The following ITM2B variants were observed in gnomAD, a reference collection of about 807,000 sequenced individuals.
The protein encoded by ITM2B is ABri/ADan amyloid peptide.
Under a neutral mutation model 27.8 loss-of-function variants are expected in ITM2B, and 11 were observed. The ratio of observed to expected loss-of-function variants is 0.40; its 90% CI spans 0.25 to 0.66. ITM2B has a LOEUF of 0.66. ITM2B is among the 30% of genes least tolerant of loss of function. The pLI is 0.43. For missense variants in ITM2B, 296 were observed against 328.9 expected, an observed-to-expected ratio of 0.90 and a Z score of 0.77; for synonymous variants, 114 against 114.3, an observed-to-expected ratio of 1.00 and a Z score of 0.02.
At chr13:48,234,016 C>G (rs1041911576) in intron 1 of ITM2B, among the ~76,000 whole-genome samples, 9 of 152,114 alleles carry the variant, frequency 5.9e-5, no homozygotes, top group Non-Finnish European at 8.8e-5. Flanking sequence ...CACGGCCCTT[C>G]GGTAGTGGCA....
At chr13:48,257,026 A>G (rs1296063237) in intron 3 of ITM2B, among the ~76,000 whole-genome samples, 2 of 152,222 alleles carry the variant, frequency 1.3e-5, no homozygotes, top group Non-Finnish European at 2.9e-5. Flanking sequence ...CTGAAACTGC[A>G]TATAGTACCA....
chr13:48,248,440 GTTGAATCTTT>G (rs1199637399), intron 1 of ITM2B, among the ~76,000 whole-genome samples: 1 of 151,988 alleles, frequency 6.6e-6, no homozygotes, highest in Non-Finnish European at 1.5e-5. Flanking sequence ...CTGGTCACTA[GTTGAATCTTT>G]TTAGCAGTAT....
At chr13:48,235,774 C>T (rs1054692389) in intron 1 of ITM2B, among the ~76,000 whole-genome samples, 64 of 152,324 alleles carry the variant, frequency 4.2e-4, no homozygotes, top group African/African-American at 1.5e-3. Flanking sequence ...AAGAATCAAA[C>T]CAAGCTAGTT....
intron 1 of ITM2B, among the ~76,000 whole-genome samples, chr13:48,236,447 AAG>A (rs1347542607): frequency 3.2e-4 from 48 of 152,322 alleles, no homozygotes; most frequent in African/African-American, 1.1e-3. Flanking sequence ...TTCTGTCTGT[AAG>A]ATGAGAGGGT....
chr13:48,244,576 A>G (rs1011339179), intron 1 of ITM2B, among the ~76,000 whole-genome samples: 3 of 152,234 alleles, frequency 2.0e-5, no homozygotes, highest in Non-Finnish European at 4.4e-5. Flanking sequence ...ATACTTTCAG[A>G]TGAATATACT....
chr13:48,263,024 A>G lies in ITM2B; in HGVS notation c.*1800A>G, dbSNP rs781033860. On this transcript the variant is annotated 3_prime_UTR_variant, in exon 6 of 6. Transcript: ENST00000647800. ...TAGCTGAACTGCAATAATAATCCCA[A>G]CATCTCACTGGCTTCATGCAGTAGG... The G allele has an allele frequency of 6.6e-5, 10 of 152,300 alleles. No homozygotes were observed. The highest frequency in any genetic ancestry group is 3.9e-4 in the East Asian group (2 of 5,188). 9.4% of individuals were successfully genotyped at this position (152,300 alleles called of 1,614,324 possible). A position where few individuals can be genotyped will look rare whatever the true frequency, so the allele number is the denominator to read the frequency against.
intron 3 of ITM2B, among the ~76,000 whole-genome samples, 157 bp from the exon 4 acceptor site, chr13:48,257,969 C>G (rs1423005107): frequency 6.6e-6 from 1 of 152,126 alleles, no homozygotes; most frequent in Non-Finnish European, 1.5e-5. Flanking sequence ...TTCCCACTTC[C>G]AACTTTATCC....
rs1280645464 is a variant in ITM2B at position 48,267,247 on chromosome 13, G to A, written c.*6023G>A. On this transcript the variant is annotated 3_prime_UTR_variant, in exon 6 of 6. Coordinates refer to ENST00000647800, the MANE Select transcript of ITM2B (RefSeq NM_021999.5). ...GATGCAGGAATAGTTTTCCATTTGGGTATGAATACGGCAAGTTCTTAGAAC... is the reference window on the plus strand; with the variant it reads ...GATGCAGGAATAGTTTTCCATTTGGATATGAATACGGCAAGTTCTTAGAAC... 3 of 151,358 alleles carry A rather than the reference G, an allele frequency of 2.0e-5. No homozygotes were observed. Among genetic ancestry groups the A allele is most frequent in the Non-Finnish European group, 4.4e-5 (3 of 67,976 alleles). 9.4% of individuals were successfully genotyped at this position (151,358 alleles called of 1,614,324 possible).
chr13:48,261,047 T>G, intron 5 of ITM2B, 92 bp from the exon 6 acceptor site: 1 of 844,028 alleles, frequency 1.2e-6, no homozygotes, highest in Non-Finnish European at 1.9e-6. Flanking sequence ...AGTGAAATAC[T>G]TCTATATGTC....
intron 1 of ITM2B, among the ~76,000 whole-genome samples, chr13:48,235,133 C>G (rs191668453): frequency 1.3e-5 from 2 of 152,278 alleles, no homozygotes; most frequent in African/African-American, 4.8e-5. Flanking sequence ...TTTCTCTGTT[C>G]CGCTGTAGTG....
intron 1 of ITM2B, among the ~76,000 whole-genome samples, chr13:48,236,868 C>G (rs1011997147): frequency 6.6e-5 from 10 of 152,172 alleles, no homozygotes; most frequent in African/African-American, 2.4e-4. Flanking sequence ...GTGTTGCTTT[C>G]TCTCTACCCC....
At position 48,262,828 on chromosome 13, in the gene ITM2B, A is replaced by G. The variant is rs886767584; in HGVS notation, c.*1604A>G. 2 of 152,336 alleles carry G rather than the reference A, an allele frequency of 1.3e-5. No individual in the cohort carries two copies. Among genetic ancestry groups the G allele is most frequent in the African/African-American group, 2.4e-5 (1 of 41,580 alleles). 9.4% of individuals were successfully genotyped at this position (152,336 alleles called of 1,614,324 possible). ...CTTTGGAAAACATTTAGGAGAGTCA[A>G]TGAGACTTTCAGAATGTGAAGTGCA... On this transcript the variant is annotated 3_prime_UTR_variant, in exon 6 of 6. Coordinates refer to ENST00000647800, the MANE Select transcript of ITM2B (RefSeq NM_021999.5).
rs891706883 is a variant in ITM2B, at chr13:48,262,557, T to C, written c.*1333T>C. 2 of 152,202 alleles carry C rather than the reference T, an allele frequency of 1.3e-5. No homozygotes were observed. Among genetic ancestry groups the C allele is most frequent in the African/African-American group, 4.8e-5 (2 of 41,468 alleles). The allele number at this position is 152,202 out of a possible 1,614,324, so 9.4% of individuals were successfully genotyped here. On this transcript the variant is annotated 3_prime_UTR_variant, in exon 6 of 6. Transcript: ENST00000647800. Reference sequence around the variant, plus strand: ...GTTTCAATAAAATGAGAATTGGTTTTTCCTACTTTCCAGGCTCTAAAATTA... The same window carrying C: ...GTTTCAATAAAATGAGAATTGGTTTCTCCTACTTTCCAGGCTCTAAAATTA...
At chr13:48,254,396 A>G (rs1951773537) in intron 2 of ITM2B, among the ~76,000 whole-genome samples, 1 of 152,186 alleles carries the variant, frequency 6.6e-6, no homozygotes, top group Non-Finnish European at 1.5e-5. Flanking sequence ...TTTTCCAGTC[A>G]TGGTTTCACT....
Position 48,269,366 on chromosome 13 carries a change from A to T in ITM2B, c.*8142A>T, listed in dbSNP as rs1356837079. 6.6e-6 allele frequency: 1 copy of T among 152,160 alleles called. No homozygotes were observed. 9.4% of individuals were successfully genotyped at this position (152,160 alleles called of 1,614,324 possible). A position where few individuals can be genotyped will look rare whatever the true frequency, so the allele number is the denominator to read the frequency against. On this transcript the variant is annotated 3_prime_UTR_variant, in exon 6 of 6. Transcript: ENST00000647800. ...TCACAACTGATCTTCCTGCTTCCAT[A>T]CTTGACCCCTAGAGCCTCTTCTAAA...
chr13:48,255,347 G>A (rs976628757), intron 2 of ITM2B, among the ~76,000 whole-genome samples: 3 of 152,032 alleles, frequency 2.0e-5, no homozygotes, highest in Non-Finnish European at 4.4e-5. Flanking sequence ...GCTGGAGTGC[G>A]GTGGTGCAAT....
At chr13:48,235,702 C>T (rs1339150790) in intron 1 of ITM2B, among the ~76,000 whole-genome samples, 1 of 152,212 alleles carries the variant, frequency 6.6e-6, no homozygotes, top group Non-Finnish European at 1.5e-5. Context: ...ACTGCCTGGA[C>T]TGGGAACAGA....
intron 1 of ITM2B, among the ~76,000 whole-genome samples, chr13:48,238,149 G>T (rs1951679240): frequency 6.6e-6 from 1 of 152,174 alleles, no homozygotes; most frequent in South Asian, 2.1e-4. Flanking sequence ...ACAGCTGAAA[G>T]TTGAAAATTG....
chr13:48,261,460 A>G lies in ITM2B; in HGVS notation c.*236A>G, dbSNP rs1951822524. ...TGTATGAAGTCATAGATAATAGTACATGTCACCTTAGGTAGTAGGAAGAAT... is the reference window on the plus strand; with the variant it reads ...TGTATGAAGTCATAGATAATAGTACGTGTCACCTTAGGTAGTAGGAAGAAT... On this transcript the variant is annotated 3_prime_UTR_variant, in exon 6 of 6. Transcript: ENST00000647800. 1 of 388,926 alleles carries G rather than the reference A, an allele frequency of 2.6e-6. No homozygotes were observed. The highest frequency in any genetic ancestry group is 4.2e-5 in the Admixed American group (1 of 23,554). The allele number at this position is 388,926 out of a possible 1,614,324, so 24.1% of individuals were successfully genotyped here. A position where few individuals can be genotyped will look rare whatever the true frequency, so the allele number is the denominator to read the frequency against.
Sources: gnomAD v4.1 joint callset for allele counts (sites outside exome capture counted in the v4.1 genomes callset) on GRCh38, gnomAD v4.1.1 for gene constraint, MANE v1.5 for transcripts, NCBI Gene and HGNC (gene_info 2026-07-23, HGNC 2026-07-21) for gene names.